The following UNC80 variants were observed in gnomAD, a reference collection of about 807,000 sequenced individuals.
UNC80 encodes the protein protein unc-80 homolog.
In UNC80, 164 loss-of-function variants were observed where a neutral mutation model predicts 384.6. The observed-to-expected ratio is 0.43, with a 90% CI of 0.38 to 0.49. The LOEUF (loss-of-function observed/expected upper bound fraction) is 0.49. Ranked by LOEUF, UNC80 falls within the 20% of genes least tolerant of loss-of-function variation. The pLI is 0.00. For missense variants in UNC80, 3,330 were observed against 4,143.0 expected, an observed-to-expected ratio of 0.80 and a Z score of 5.39; for synonymous variants, 1,486 against 1,527.8, an observed-to-expected ratio of 0.97 and a Z score of 0.64.
chr2:209,971,020 T>G, intron 54 of UNC80, 63 bp downstream of exon 54: 2 of 1,500,956 alleles, frequency 1.3e-6, no homozygotes, highest in Non-Finnish European at 1.8e-6. Context: ...CAGATCATGG[T>G]GTTCTCGTTT....
Position 209,970,855 on chromosome 2 carries a change from C to T in UNC80, c.8154C>T (p.Ser2718=). 1.9e-6 allele frequency: 3 copies of T among 1,551,562 alleles called. No homozygotes were observed. Among genetic ancestry groups the T allele is most frequent in the Non-Finnish European group, 2.6e-6 (3 of 1,146,934 alleles). The change falls in exon 54 of 65, where the codon TCC becomes TCT. Residue 2718 remains serine (S), a synonymous_variant. Transcript: ENST00000673920. ...AGGTGATGGGAGTGGTAGGACCTTC[C>T]AGTGTTGCTGATGGATTACCCCTTC... ...VNLVMGVVGP[S]SVADGLPLLH...
chr2:209,786,628 A>G (rs1324314634), intron 5 of UNC80, among the ~76,000 whole-genome samples: 1 of 152,158 alleles, frequency 6.6e-6, no homozygotes, highest in African/African-American at 2.4e-5. Context: ...TTGTTATCAA[A>G]GCATTTCTCT....
chr2:209,915,084 G>A (rs1199673951), intron 31 of UNC80, among the ~76,000 whole-genome samples: 3 of 151,760 alleles, frequency 2.0e-5, no homozygotes, highest in Non-Finnish European at 2.9e-5. Flanking sequence ...AAACTTCCAT[G>A]GAAAATATAA....
intron 52 of UNC80, 62 bp from the exon 53 acceptor site, chr2:209,969,706 C>A: frequency 6.5e-7 from 1 of 1,540,138 alleles, no homozygotes; most frequent in Non-Finnish European, 8.8e-7. Context: ...CTGTCTCATT[C>A]ACTTGTTTCA....
chr2:209,792,013 T>C (rs2077841454), intron 6 of UNC80, among the ~76,000 whole-genome samples: 1 of 151,978 alleles, frequency 6.6e-6, no homozygotes, highest in South Asian at 2.1e-4. Context: ...TAGTATAAAA[T>C]AGAATGTAGA....
At chr2:209,875,906 C>A (rs1239981746) in intron 23 of UNC80, among the ~76,000 whole-genome samples, 1 of 152,014 alleles carries the variant, frequency 6.6e-6, no homozygotes, top group Non-Finnish European at 1.5e-5. Flanking sequence ...GGGGTACAAG[C>A]AGTTTTTGAC....
chr2:209,838,534 G>A (rs1168417164), intron 18 of UNC80, among the ~76,000 whole-genome samples: 1 of 152,034 alleles, frequency 6.6e-6, no homozygotes, highest in Admixed American at 6.6e-5. Context: ...GCATTTCCCG[G>A]GTGTGGTGTG....
chr2:209,879,331 C>A (rs886806843), intron 24 of UNC80, among the ~76,000 whole-genome samples: 2 of 152,128 alleles, frequency 1.3e-5, no homozygotes, highest in African/African-American at 4.8e-5. Flanking sequence ...GAAGTTGAAG[C>A]AACATTAAAT....
chr2:209,881,143 G>A (rs1209266568), intron 25 of UNC80, 49 bp downstream of exon 25: 5 of 1,532,260 alleles, frequency 3.3e-6, no homozygotes, highest in South Asian at 1.2e-5. Flanking sequence ...GAGAGGCCAG[G>A]CGTGTGTCTG....
intron 13 of UNC80, among the ~76,000 whole-genome samples, chr2:209,825,159 A>C (rs750444476): frequency 6.6e-6 from 1 of 152,200 alleles, no homozygotes; most frequent in Non-Finnish European, 1.5e-5. Context: ...ACTCTTCCAC[A>C]CTGGGCTCTG....
At chr2:209,922,806 T>C (rs2090143607) in intron 35 of UNC80, among the ~76,000 whole-genome samples, 1 of 151,874 alleles carries the variant, frequency 6.6e-6, no homozygotes, top group Non-Finnish European at 1.5e-5. Flanking sequence ...TTTGTTTTTG[T>C]TTTTGTTTTT....
intron 15 of UNC80, among the ~76,000 whole-genome samples, chr2:209,830,056 CAAGGAAAATA>C (rs2080843534): frequency 6.6e-6 from 1 of 152,024 alleles, no homozygotes; most frequent in Non-Finnish European, 1.5e-5. Context: ...TGCAGCAATG[CAAGGAAAATA>C]ATGCATGAAG....
At chr2:209,817,710 A>AC in intron 10 of UNC80, 102 bp from the exon 11 acceptor site, 1 of 1,382,014 alleles carries the variant, frequency 7.2e-7, no homozygotes, top group African/African-American at 1.5e-5. Context: ...ACTTTTCCTA[A>AC]CAGCCCCACA....
chr2:209,868,534 G>A (rs578099760), intron 22 of UNC80, among the ~76,000 whole-genome samples: 12 of 152,232 alleles, frequency 7.9e-5, no homozygotes, highest in South Asian at 4.1e-4. Context: ...CACAGCTATC[G>A]AAATTAGTAT....
At chr2:209,967,708 G>C in intron 52 of UNC80, 71 bp downstream of exon 52, 1 of 1,472,992 alleles carries the variant, frequency 6.8e-7, no homozygotes, top group South Asian at 1.3e-5. Flanking sequence ...TTTTAAGATG[G>C]TGGATCATTC....
At chr2:209,880,194 T>TA (rs1382751933) in intron 24 of UNC80, among the ~76,000 whole-genome samples, 11 of 152,200 alleles carry the variant, frequency 7.2e-5, no homozygotes, top group Admixed American at 6.5e-4. Context: ...TTCTGAGAAT[T>TA]AAAAAAATCA....
intron 28 of UNC80, among the ~76,000 whole-genome samples, chr2:209,900,370 G>A (rs531085607): frequency 6.6e-6 from 1 of 152,110 alleles, no homozygotes; most frequent in African/African-American, 2.4e-5. Flanking sequence ...CATGATTGTC[G>A]TTTTTTATGG....
chr2:209,934,635 C>CA (rs2091118453), intron 39 of UNC80, among the ~76,000 whole-genome samples: 1 of 152,006 alleles, frequency 6.6e-6, no homozygotes, highest in Non-Finnish European at 1.5e-5. Flanking sequence ...GTTCTCGCAG[C>CA]AAAAAAGCCT....
chr2:209,844,521 TTC>T, intron 21 of UNC80, among the ~76,000 whole-genome samples: 1 of 141,040 alleles, frequency 7.1e-6, no homozygotes, highest in Admixed American at 7.2e-5. Context: ...CCTTCCTTCC[TTC>T]CTTCCTTCCT....
Sources: gnomAD v4.1 joint callset for allele counts (sites outside exome capture counted in the v4.1 genomes callset) on GRCh38, gnomAD v4.1.1 for gene constraint, MANE v1.5 for transcripts, NCBI Gene and HGNC (gene_info 2026-07-23, HGNC 2026-07-21) for gene names.